Variants in ANKIB1 observed in about 807,000 individuals in gnomAD.
ANKIB1 encodes the protein ankyrin repeat and IBR domain containing 1.
Under a neutral mutation model 122.1 loss-of-function variants are expected in ANKIB1, and 43 were observed. The observed-to-expected ratio is 0.35, with a 90% CI of 0.28 to 0.45. The LOEUF (loss-of-function observed/expected upper bound fraction) is 0.45. ANKIB1 is among the 20% of genes least tolerant of loss of function. ANKIB1 has a pLI of 1.00. For missense variants in ANKIB1, 992 were observed against 1,329.5 expected, an observed-to-expected ratio of 0.75 and a Z score of 3.95; for synonymous variants, 390 against 442.0, an observed-to-expected ratio of 0.88 and a Z score of 1.48.
intron 16 of ANKIB1, 23 bp from the exon 17 acceptor site, chr7:92,392,218 T>C: frequency 6.2e-7 from 1 of 1,601,660 alleles, no homozygotes; most frequent in South Asian, 1.1e-5. Flanking sequence ...TTAAATCAAA[T>C]GGTATGTCTA....
intron 5 of ANKIB1, among the ~76,000 whole-genome samples, chr7:92,332,571 A>C (rs1803193248): frequency 6.6e-6 from 1 of 152,214 alleles, no homozygotes; most frequent in Non-Finnish European, 1.5e-5. Context: ...AAAGTAACTT[A>C]TGTAATTGAA....
At chr7:92,271,703 A>T (rs1246417416) in intron 1 of ANKIB1, among the ~76,000 whole-genome samples, 4 of 152,254 alleles carry the variant, frequency 2.6e-5, no homozygotes, top group Admixed American at 6.5e-5. Context: ...TTAAAATATG[A>T]TAGCAGGAAT....
chr7:92,299,419 TATC>T (rs1404232815), intron 2 of ANKIB1, among the ~76,000 whole-genome samples: 2 of 152,228 alleles, frequency 1.3e-5, no homozygotes, highest in African/African-American at 4.8e-5. Context: ...AGGTCATTGA[TATC>T]ATTTCAAATA....
At chr7:92,365,238 A>G (rs935363665) in intron 10 of ANKIB1, among the ~76,000 whole-genome samples, 2 of 152,200 alleles carry the variant, frequency 1.3e-5, no homozygotes, top group African/African-American at 4.8e-5. Flanking sequence ...CATGTATGTG[A>G]TAACTTTTAG....
At chr7:92,361,815 GTT>G (rs1400887262) in intron 9 of ANKIB1, among the ~76,000 whole-genome samples, 1 of 140,688 alleles carries the variant, frequency 7.1e-6, no homozygotes, top group African/African-American at 2.6e-5. Context: ...TACTTTTTTT[GTT>G]TTTTTTTTTT....
intron 1 of ANKIB1, among the ~76,000 whole-genome samples, chr7:92,270,131 C>T (rs1221891479): frequency 6.6e-6 from 1 of 152,132 alleles, no homozygotes; most frequent in African/African-American, 2.4e-5. Context: ...GGTGTCATCA[C>T]AGCTTACTAC....
chr7:92,353,512 A>G (rs1321248662), intron 9 of ANKIB1, among the ~76,000 whole-genome samples: 2 of 152,250 alleles, frequency 1.3e-5, no homozygotes, highest in South Asian at 2.1e-4. Flanking sequence ...GCACATATGC[A>G]TGGATACACT....
chr7:92,339,325 A>G (rs928869550), intron 5 of ANKIB1, among the ~76,000 whole-genome samples: 4 of 152,066 alleles, frequency 2.6e-5, no homozygotes, highest in African/African-American at 4.8e-5. Flanking sequence ...TACAGGCGTG[A>G]GCCACCGCAC....
intron 11 of ANKIB1, among the ~76,000 whole-genome samples, chr7:92,381,574 G>C (rs1804516070): frequency 6.6e-6 from 1 of 152,172 alleles, no homozygotes; most frequent in Non-Finnish European, 1.5e-5. Context: ...AGAAGAGAGT[G>C]GGGGCTAATA....
At chr7:92,309,938 A>ATATATATAT (rs961914373) in intron 3 of ANKIB1, among the ~76,000 whole-genome samples, 9 of 112,588 alleles carry the variant, frequency 8.0e-5, no homozygotes, top group African/African-American at 3.3e-4. Context: ...AAAAAAAAAA[A>ATATATATAT]AAAAATATAT....
rs529982477 is a variant in ANKIB1, at chr7:92,401,094, C to A, written c.*2145C>A. On this transcript the variant is annotated 3_prime_UTR_variant, in exon 20 of 20. Transcript: ENST00000265742. ...TTCTCTCCTGAGCATGAAAAATGAT[C>A]ATTATCCAATTTGTATTTCCTTGGT... 6.6e-6 allele frequency: 1 copy of A among 152,266 alleles called. No individual in the cohort carries two copies. The highest frequency in any genetic ancestry group is 2.1e-4 in the South Asian group (1 of 4,830). 9.4% of individuals were successfully genotyped at this position (152,266 alleles called of 1,614,324 possible).
At chr7:92,255,523 T>C (rs1309978388) in intron 1 of ANKIB1, among the ~76,000 whole-genome samples, 2 of 152,220 alleles carry the variant, frequency 1.3e-5, no homozygotes, top group Admixed American at 6.5e-5. Flanking sequence ...AGTTTCGTTA[T>C]ATTCTTTCGC....
chr7:92,295,533 T>G (rs985557966), intron 2 of ANKIB1, among the ~76,000 whole-genome samples: 1 of 152,188 alleles, frequency 6.6e-6, no homozygotes, highest in Admixed American at 6.5e-5. Flanking sequence ...TTACAACATT[T>G]CAATTCTAGA....
intron 5 of ANKIB1, among the ~76,000 whole-genome samples, chr7:92,341,516 A>G (rs529788354): frequency 6.6e-6 from 1 of 152,184 alleles, no homozygotes; most frequent in Non-Finnish European, 1.5e-5. Context: ...ACTGTAAACA[A>G]AGTAGGGGGA....
At chr7:92,269,656 C>G (rs566807263) in intron 1 of ANKIB1, among the ~76,000 whole-genome samples, 2 of 152,270 alleles carry the variant, frequency 1.3e-5, no homozygotes, top group African/African-American at 4.8e-5. Flanking sequence ...TAACTTGATT[C>G]ATTGATACCT....
intron 2 of ANKIB1, among the ~76,000 whole-genome samples, chr7:92,298,626 T>C (rs1421170051): frequency 2.6e-5 from 4 of 152,132 alleles, no homozygotes; most frequent in Non-Finnish European, 5.9e-5. Context: ...AGATGTTATT[T>C]GCCTTTTATA....
intron 1 of ANKIB1, among the ~76,000 whole-genome samples, chr7:92,250,754 A>G (rs1041610751): frequency 5.9e-5 from 9 of 152,246 alleles, no homozygotes; most frequent in Non-Finnish European, 1.3e-4. Flanking sequence ...GGTAGGATAT[A>G]TACTTTATCA....
chr7:92,297,290 G>A (rs529985515), intron 2 of ANKIB1, among the ~76,000 whole-genome samples: 4 of 152,236 alleles, frequency 2.6e-5, no homozygotes, highest in South Asian at 4.1e-4. Flanking sequence ...TTCTATAGTC[G>A]TATCAGCTTA....
intron 2 of ANKIB1, among the ~76,000 whole-genome samples, chr7:92,304,504 A>G (rs930825391): frequency 6.6e-6 from 1 of 152,088 alleles, no homozygotes; most frequent in Admixed American, 6.6e-5. Flanking sequence ...ATTTATGTTA[A>G]ATTTCTTTGT....
Sources: gnomAD v4.1 joint callset for allele counts (sites outside exome capture counted in the v4.1 genomes callset) on GRCh38, gnomAD v4.1.1 for gene constraint, MANE v1.5 for transcripts, NCBI Gene and HGNC (gene_info 2026-07-23, HGNC 2026-07-21) for gene names.